AP3B1: variants seen among roughly 807,000 people sequenced by gnomAD.
The protein encoded by AP3B1 is adaptor related protein complex 3 subunit beta 1, also known as AP-3 complex subunit beta-1.
AP3B1 carries 61 observed loss-of-function variants against 132.5 expected under a neutral mutation model. That is an observed-to-expected ratio of 0.46 (90% confidence interval 0.37 to 0.57). The LOEUF (loss-of-function observed/expected upper bound fraction) is 0.57, where lower values mean the gene tolerates loss of function less well. AP3B1 is among the 20% of genes least tolerant of loss of function. The pLI, the probability that AP3B1 is intolerant of heterozygous loss-of-function variation, is 0.00. For missense variants in AP3B1, 1,120 were observed against 1,289.4 expected (o/e 0.87, Z 2.01); for synonymous variants, 388 against 438.3 (o/e 0.89, Z 1.43).
chr5:78,252,341 A>C (rs1747673890), intron 2 of AP3B1, among the ~76,000 whole-genome samples: 1 of 152,076 alleles, frequency 6.6e-6, no homozygotes, highest in Non-Finnish European at 1.5e-5. Flanking sequence ...CCCCCTAGGT[A>C]CCAGTACAGC....
intron 8 of AP3B1, among the ~76,000 whole-genome samples, chr5:78,180,675 T>C (rs1368651571): frequency 2.0e-5 from 3 of 151,822 alleles, no homozygotes; most frequent in Non-Finnish European, 4.4e-5. Flanking sequence ...GAAAAAAAGG[T>C]TAGAAAATGC....
At chr5:78,290,446 T>C (rs774991340) in intron 1 of AP3B1, among the ~76,000 whole-genome samples, 2 of 152,038 alleles carry the variant, frequency 1.3e-5, no homozygotes. Flanking sequence ...ACAAATTTAG[T>C]AGCTTTACTA....
chr5:78,216,327 C>T (rs1225738680), intron 6 of AP3B1, 90 bp from the exon 7 acceptor site: 2 of 1,217,596 alleles, frequency 1.6e-6, no homozygotes, highest in South Asian at 2.6e-5. Flanking sequence ...CAGTTTCATG[C>T]CAATCAGTAT....
intron 22 of AP3B1, among the ~76,000 whole-genome samples, chr5:78,050,674 C>G (rs973591767): frequency 1.3e-5 from 2 of 152,156 alleles, no homozygotes; most frequent in African/African-American, 4.8e-5. Flanking sequence ...AATTCAAACA[C>G]TAATTCTTGA....
intron 14 of AP3B1, among the ~76,000 whole-genome samples, chr5:78,146,115 C>T (rs972732815): frequency 2.0e-5 from 3 of 152,132 alleles, no homozygotes; most frequent in East Asian, 3.9e-4. Context: ...CACTTGCCTA[C>T]GTTTAGGAGT....
intron 25 of AP3B1, among the ~76,000 whole-genome samples, chr5:78,020,103 G>T (rs758795929): frequency 1.3e-5 from 2 of 151,944 alleles, no homozygotes; most frequent in Non-Finnish European, 2.9e-5. Flanking sequence ...ATTAATACTT[G>T]CATTTTGCTG....
chr5:78,042,303 T>C (rs1748126507), intron 22 of AP3B1: 1 of 152,492 alleles, frequency 6.6e-6, no homozygotes, highest in Admixed American at 6.5e-5. Context: ...AGTGCAGTGG[T>C]GCAATCATAG....
chr5:78,079,794 CTT>C lies in AP3B1; in HGVS notation c.2577+9597_2577+9598del, dbSNP rs200838107. ...CCCCCATCGAGCATCATGAGTAAAA[CTT>C]TAAAAATCTGAATGACAATCACAAG... On this transcript the variant is annotated intron_variant, in intron 22 of 26. Coordinates refer to ENST00000255194, the MANE Select transcript of AP3B1 (RefSeq NM_003664.5). Among the ~76,000 whole-genome samples the C allele has an allele frequency of 1.8e-4, 27 of 152,228 alleles. No homozygotes were observed. In the East Asian group the frequency reaches 5.2e-3, roughly 29 times the overall value.
intron 2 of AP3B1, among the ~76,000 whole-genome samples, chr5:78,243,156 T>C (rs548583104): frequency 1.8e-4 from 27 of 152,210 alleles, no homozygotes; most frequent in Non-Finnish European, 3.5e-4. Context: ...CTGAGCACTA[T>C]GGAGGGTTTA....
chr5:78,036,306 G>A (rs751619757), intron 23 of AP3B1, among the ~76,000 whole-genome samples: 5 of 152,074 alleles, frequency 3.3e-5, no homozygotes, highest in Admixed American at 1.3e-4. Context: ...ACTTGGAGCC[G>A]ACTAAACTGG....
Position 78,193,770 on chromosome 5 carries a change from A to ATATATATTTT in AP3B1, c.787-12109_787-12108insAAAATATATA. On this transcript the variant is annotated intron_variant, in intron 7 of 26. Transcript: ENST00000255194. ...TATATATATATATATATATATATATATTTTTTTTTTAGACAGAGTCTCGCT... is the reference window on the plus strand; with the variant it reads ...TATATATATATATATATATATATATATATATATTTTTTTTTTTTTTAGACAGAGTCTCGCT... Among the ~76,000 whole-genome samples, 264 of 67,134 alleles carry ATATATATTTT rather than the reference A, an allele frequency of 3.9e-3. 2 individuals carry two copies. The highest frequency in any genetic ancestry group is 0.011 in the African/African-American group (219 of 19,150). The allele number at this position is 67,134 out of a possible 152,430, so 44.0% of individuals were successfully genotyped here. A position where few individuals can be genotyped will look rare whatever the true frequency, so the allele number is the denominator to read the frequency against.
chr5:78,139,854 C>T (rs1056105555), intron 15 of AP3B1, among the ~76,000 whole-genome samples: 6 of 151,602 alleles, frequency 4.0e-5, no homozygotes, highest in South Asian at 4.2e-4. Flanking sequence ...GACTGTAGTA[C>T]GGGGGCGGGG....
chr5:78,068,411 A>C (rs1261092052), intron 22 of AP3B1, among the ~76,000 whole-genome samples: 1 of 152,058 alleles, frequency 6.6e-6, no homozygotes, highest in African/African-American at 2.4e-5. Context: ...AGGAGGAAGA[A>C]TCAAATAGAT....
intron 7 of AP3B1, among the ~76,000 whole-genome samples, chr5:78,183,313 A>G (rs1005677939): frequency 2.0e-5 from 3 of 152,106 alleles, no homozygotes; most frequent in African/African-American, 7.2e-5. Context: ...GTATCAAACA[A>G]AGCCAGTTAA....
chr5:78,017,107 T>C (rs1225502554), intron 25 of AP3B1, among the ~76,000 whole-genome samples: 4 of 152,084 alleles, frequency 2.6e-5, no homozygotes, highest in African/African-American at 7.2e-5. Flanking sequence ...CATTGCTTCA[T>C]ATTTAACCTT....
chr5:78,010,525 A>T (rs1021935212), intron 26 of AP3B1, among the ~76,000 whole-genome samples: 2 of 152,208 alleles, frequency 1.3e-5, no homozygotes, highest in Non-Finnish European at 2.9e-5. Flanking sequence ...TGGCCACTGC[A>T]CTTACTCATA....
intron 24 of AP3B1, among the ~76,000 whole-genome samples, chr5:78,025,414 G>T (rs182603883): frequency 1.2e-3 from 176 of 152,058 alleles, no homozygotes; most frequent in African/African-American, 3.9e-3. Context: ...GTCCCTCCTC[G>T]CAACAAGCAA....
chr5:78,261,553 C>T (rs775668628), intron 2 of AP3B1, among the ~76,000 whole-genome samples: 1 of 152,210 alleles, frequency 6.6e-6, no homozygotes, highest in African/African-American at 2.4e-5. Flanking sequence ...GCAATCTCTG[C>T]CTTTCGGGTT....
intron 2 of AP3B1, among the ~76,000 whole-genome samples, chr5:78,250,961 A>T (rs28696273): frequency 0.28 from 43,030 of 151,942 alleles, 6,600 homozygotes; most frequent in Middle Eastern, 0.41. Context: ...ACAGGGGAGA[A>T]GACAGAGGCA....
Sources: gnomAD v4.1 joint callset for allele counts (sites outside exome capture counted in the v4.1 genomes callset) on GRCh38, gnomAD v4.1.1 for gene constraint, MANE v1.5 for transcripts, NCBI Gene and HGNC (gene_info 2026-07-23, HGNC 2026-07-21) for gene names.